Variants in MAST4 observed in about 807,000 individuals in gnomAD.
MAST4 encodes microtubule associated serine/threonine kinase family member 4, also known as microtubule-associated serine/threonine-protein kinase 4.
A neutral mutation model predicts 162.7 loss-of-function variants in MAST4; 89 were observed. The observed-to-expected ratio is 0.55, with a 90% confidence interval of 0.46 to 0.65. The LOEUF is 0.65. Ranked by LOEUF, MAST4 falls within the 30% of genes least tolerant of loss-of-function variation. MAST4 has a pLI of 0.00. For missense variants in MAST4, 3,153 were observed against 3,374.0 expected (o/e 0.93, Z 1.62); for synonymous variants, 1,479 against 1,361.1 (o/e 1.09, Z -1.91).
chr5:66,864,321 AAGGGAATCCC>A (rs1322797080), intron 3 of MAST4, among the ~76,000 whole-genome samples: 1 of 152,150 alleles, frequency 6.6e-6, no homozygotes, highest in East Asian at 1.9e-4. Context: ...TTTTCCAGTG[AAGGGAATCCC>A]AGAGATCCTG....
At chr5:67,112,904 C>G (rs1376064812) in intron 11 of MAST4, among the ~76,000 whole-genome samples, 3 of 152,192 alleles carry the variant, frequency 2.0e-5, no homozygotes, top group African/African-American at 7.2e-5. Context: ...CCCCTGACAA[C>G]AAGCTCTCTT....
intron 24 of MAST4, among the ~76,000 whole-genome samples, chr5:67,151,560 A>G (rs1356471717): frequency 6.6e-6 from 1 of 152,166 alleles, no homozygotes; most frequent in African/African-American, 2.4e-5. Context: ...AAAGCAGTAG[A>G]TTTGGTGTTT....
intron 3 of MAST4, among the ~76,000 whole-genome samples, chr5:66,844,560 T>G (rs1758675348): frequency 6.6e-6 from 1 of 152,088 alleles, no homozygotes; most frequent in African/African-American, 2.4e-5. Flanking sequence ...GTTGTGCATT[T>G]TTGCTTTGTG....
chr5:66,889,667 G>A (rs376147126), intron 3 of MAST4, among the ~76,000 whole-genome samples: 7 of 152,260 alleles, frequency 4.6e-5, no homozygotes, highest in Middle Eastern at 3.4e-3. Flanking sequence ...TCTCTTTACC[G>A]TAGCTCTGTA....
At chr5:66,695,418 C>T (rs186877005) in intron 1 of MAST4, among the ~76,000 whole-genome samples, 1 of 152,198 alleles carries the variant, frequency 6.6e-6, no homozygotes, top group Admixed American at 6.5e-5. Context: ...GTTACTGTTG[C>T]CTTGTAGTAT....
At chr5:66,900,042 A>G in intron 4 of MAST4, 60 bp downstream of exon 4, 3 of 1,189,190 alleles carry the variant, frequency 2.5e-6, no homozygotes, top group Non-Finnish European at 3.4e-6. Context: ...TTATAGTATG[A>G]TTCTTCTCTG....
chr5:67,160,638 T>C, intron 27 of MAST4, 46 bp downstream of exon 27: 1 of 1,572,924 alleles, frequency 6.4e-7, no homozygotes. Flanking sequence ...ATACCTATGT[T>C]GGGGAAAAGT....
At chr5:66,906,434 A>G (rs570806751) in intron 4 of MAST4, among the ~76,000 whole-genome samples, 3 of 152,300 alleles carry the variant, frequency 2.0e-5, no homozygotes, top group East Asian at 1.9e-4. Context: ...GTTGGAGTCT[A>G]TTAGGGCTGG....
At chr5:66,740,764 G>C (rs1473907788) in intron 1 of MAST4, among the ~76,000 whole-genome samples, 2 of 152,168 alleles carry the variant, frequency 1.3e-5, no homozygotes, top group Admixed American at 6.5e-5. Flanking sequence ...CAAGCTGTTG[G>C]TCTGTGGCTG....
chr5:66,666,667 GT>G, intron 1 of MAST4, among the ~76,000 whole-genome samples: 1 of 152,260 alleles, frequency 6.6e-6, no homozygotes, highest in South Asian at 2.1e-4. Context: ...AAGGACTGCT[GT>G]TTTTCCATAA....
At chr5:67,119,532 G>A (rs963967351) in intron 13 of MAST4, among the ~76,000 whole-genome samples, 1 of 152,106 alleles carries the variant, frequency 6.6e-6, no homozygotes, top group Admixed American at 6.5e-5. Flanking sequence ...CCAGCTGGGG[G>A]GTGGGGGAAA....
At position 67,144,747 on chromosome 5, in the gene MAST4, A is replaced by C. The variant is rs1385445564; in HGVS notation, c.2809A>C (p.Thr937Pro). Reference sequence around the variant, plus strand: ...CTCTGTGGACAAAACCAAAAGCACCACCTTGCCATCCACAGAAACACTGAG... The same window carrying C: ...CTCTGTGGACAAAACCAAAAGCACCCCCTTGCCATCCACAGAAACACTGAG... ...EDSVDKTKST[T>P]LPSTETLSWS... The change falls in exon 22 of 29, where the codon ACC (threonine) becomes CCC (proline). Residue 937 changes from threonine to proline, a missense_variant. Thr to Pro is a conservative substitution (Grantham distance 38, BLOSUM62 -1). This residue lies in a region of MAST4 where 619 missense variants were observed against 744.2 expected (regional missense o/e 0.83). Coordinates refer to ENST00000403625, the MANE Select transcript of MAST4 (RefSeq NM_001164664.2). 7 of 1,613,426 alleles carry C rather than the reference A, an allele frequency of 4.3e-6. No individual in the cohort carries two copies. In the South Asian group the frequency reaches 6.6e-5, roughly 15 times the overall value.
At chr5:66,877,157 C>G (rs940768672) in intron 3 of MAST4, among the ~76,000 whole-genome samples, 1 of 151,994 alleles carries the variant, frequency 6.6e-6, no homozygotes, top group Non-Finnish European at 1.5e-5. Context: ...CTACTCTCTC[C>G]TCTACACTTG....
chr5:66,947,752 C>G lies in MAST4; in HGVS notation c.674+47770C>G, dbSNP rs190807290. 1.2e-3 allele frequency among the ~76,000 whole-genome samples: 181 copies of G among 152,174 alleles called. 1 individual carries two copies. The highest frequency in any genetic ancestry group is 1.6e-4 in the Non-Finnish European group (11 of 67,990). On this transcript the variant is annotated intron_variant, in intron 4 of 28. Transcript: ENST00000403625. ...CTGGTTGGGTAGTGTATCCCGGACC[C>G]CACAGGAAAAGTAAGTTGATTTTTT...
At chr5:66,751,178 A>C (rs1450462558) in intron 1 of MAST4, among the ~76,000 whole-genome samples, 1 of 152,132 alleles carries the variant, frequency 6.6e-6, no homozygotes, top group Non-Finnish European at 1.5e-5. Context: ...AAAGTAGATA[A>C]AACCACAAAG....
intron 4 of MAST4, among the ~76,000 whole-genome samples, chr5:66,975,883 T>C (rs1373848083): frequency 6.6e-6 from 1 of 152,050 alleles, no homozygotes; most frequent in Non-Finnish European, 1.5e-5. Flanking sequence ...TAATTCCAGC[T>C]ACTCAGGAGA....
At chr5:66,846,998 C>T (rs1243200390) in intron 3 of MAST4, among the ~76,000 whole-genome samples, 1 of 152,130 alleles carries the variant, frequency 6.6e-6, no homozygotes, top group Non-Finnish European at 1.5e-5. Context: ...TCTTTATCAG[C>T]CCCCTTTTTT....
At chr5:66,659,376 G>A (rs186911407) in intron 1 of MAST4, among the ~76,000 whole-genome samples, 2 of 152,328 alleles carry the variant, frequency 1.3e-5, no homozygotes, top group Admixed American at 1.3e-4. Context: ...TTTCACTGAT[G>A]TATCACGTTG....
chr5:66,859,434 A>G (rs1253221933), intron 3 of MAST4, among the ~76,000 whole-genome samples: 1 of 152,108 alleles, frequency 6.6e-6, no homozygotes, highest in Non-Finnish European at 1.5e-5. Flanking sequence ...CAGTGTCTTC[A>G]TTGACCCTTG....
Sources: allele counts gnomAD v4.1 joint callset (sites outside exome capture counted in the v4.1 genomes callset), GRCh38; gene constraint gnomAD v4.1.1; regional missense constraint gnomAD v4.1.1; transcripts MANE v1.5; gene names NCBI Gene and HGNC (gene_info 2026-07-23, HGNC 2026-07-21).